The following CACNA1A variants were observed in gnomAD, a reference collection of about 807,000 sequenced individuals.
CACNA1A encodes voltage-dependent P/Q-type calcium channel subunit alpha-1A.
In CACNA1A, 57 loss-of-function variants were observed where a neutral mutation model predicts 262.4. The ratio of observed to expected loss-of-function variants is 0.22; its 90% CI spans 0.18 to 0.27. The LOEUF (loss-of-function observed/expected upper bound fraction) is 0.27. Among genes scored for constraint, CACNA1A ranks in the 10% least tolerant of loss-of-function variants. CACNA1A has a pLI of 1.00. For missense variants in CACNA1A, 2,526 were observed against 3,562.8 expected, an observed-to-expected ratio of 0.71 and a Z score of 7.41; for synonymous variants, 1,431 against 1,419.3, an observed-to-expected ratio of 1.01 and a Z score of -0.18.
At chr19:13,449,461 C>A (rs1486869176) in intron 3 of CACNA1A, among the ~76,000 whole-genome samples, 1 of 152,082 alleles carries the variant, frequency 6.6e-6, no homozygotes, top group Non-Finnish European at 1.5e-5. Flanking sequence ...CCATGCCCAG[C>A]TGAATATTTT....
In CACNA1A at chr19:13,379,918, G is replaced by A. The variant is rs1401406678; in HGVS notation, c.540-8139C>T. On this transcript the variant is annotated intron_variant, in intron 3 of 46. Transcript: ENST00000360228. ...CAGCCTGGTGACAGAGCAAGATGCC[G>A]TCTCAAAAAAAAAAAAAAAAAAAAA... 8.1e-4 allele frequency among the ~76,000 whole-genome samples: 8 copies of A among 9,918 alleles called. 1 individual carries two copies. The South Asian group carries it at 0.041, about 51-fold the overall frequency. 6.5% of individuals were successfully genotyped at this position (9,918 alleles called of 152,430 possible).
At chr19:13,346,989 A>G (rs951121619) in intron 6 of CACNA1A, among the ~76,000 whole-genome samples, 2 of 150,194 alleles carry the variant, frequency 1.3e-5, no homozygotes, top group Non-Finnish European at 1.5e-5. Flanking sequence ...TGATAGATGT[A>G]TATATTTTTT....
At chr19:13,235,388 C>G in intron 32 of CACNA1A, 114 bp from the exon 33 acceptor site, 1 of 1,040,502 alleles carries the variant, frequency 9.6e-7, no homozygotes. Flanking sequence ...TGCCACGTGC[C>G]AGAGTCCTTC....
At chr19:13,300,187 C>T (rs1400438616) in intron 18 of CACNA1A, among the ~76,000 whole-genome samples, 1 of 152,206 alleles carries the variant, frequency 6.6e-6, no homozygotes, top group Non-Finnish European at 1.5e-5. Context: ...ACTCTCTTCA[C>T]TCCCAGCATT....
At chr19:13,286,218 T>G (rs182511256) in intron 20 of CACNA1A, among the ~76,000 whole-genome samples, 1 of 152,244 alleles carries the variant, frequency 6.6e-6, no homozygotes, top group Admixed American at 6.5e-5. Context: ...CAGAGGACCC[T>G]ATTGCTCCTC....
chr19:13,408,032 G>A (rs1035879831), intron 3 of CACNA1A, among the ~76,000 whole-genome samples: 6 of 151,900 alleles, frequency 3.9e-5, no homozygotes, highest in African/African-American at 1.5e-4. Flanking sequence ...TTCATTTTCC[G>A]CCATGATTGC....
rs1271664786 is a variant in CACNA1A at position 13,330,321 on chromosome 19, G to T, written c.1268C>A (p.Thr423Asn). Residue 423 changes from threonine to asparagine, a missense_variant, in exon 10 of 47, where the codon ACC becomes AAC. By Grantham distance (65) the Thr-to-Asn change is moderately conservative. Coordinates refer to ENST00000360228, the MANE Select transcript of CACNA1A (RefSeq NM_001127222.2). The part of the protein sequence containing the change: ...QRHPFDALRR[T>N]TIKKSKTDLL... ...ATCTGTCTTGCTTTTCTTTATGGTG[G>T]TTCTCCGCAGAGCTCCAACAATGGA... 6.4e-7 allele frequency: 1 copy of T among 1,562,308 alleles called. No individual in the cohort carries two copies. Among genetic ancestry groups the T allele is most frequent in the Non-Finnish European group, 8.7e-7 (1 of 1,152,242 alleles).
chr19:13,259,344 G>GTTTTTTTT (rs2056665416), intron 27 of CACNA1A: 7 of 9,026 alleles, frequency 7.8e-4, no homozygotes, highest in Non-Finnish European at 1.1e-3. Context: ...TTTTTTTTTG[G>GTTTTTTTT]GATTTTTAGT....
intron 20 of CACNA1A, among the ~76,000 whole-genome samples, chr19:13,285,981 C>CAGT (rs2057388895): frequency 8.5e-6 from 1 of 117,522 alleles, no homozygotes; most frequent in African/African-American, 3.4e-5. Context: ...TTTTTTGAGA[C>CAGT]AGTCTCGCTT....
intron 1 of CACNA1A, among the ~76,000 whole-genome samples, chr19:13,479,822 A>C (rs570644470): frequency 6.6e-6 from 1 of 152,374 alleles, no homozygotes; most frequent in East Asian, 1.9e-4. Flanking sequence ...AGAAGAACAT[A>C]AACAAAGCAA....
chr19:13,271,816 T>C (rs571975682), intron 24 of CACNA1A: 1 of 147,674 alleles, frequency 6.8e-6, no homozygotes, highest in South Asian at 2.1e-4. Flanking sequence ...CAGGCTGGAG[T>C]GCAGTGGTGC....
rs2057937647 is a variant in CACNA1A at position 13,307,804 on chromosome 19, G to T, written c.1964C>A (p.Ala655Glu). The T allele has an allele frequency of 6.2e-7, 1 of 1,613,972 alleles. No homozygotes were observed. Among genetic ancestry groups the T allele is most frequent in the Non-Finnish European group, 8.5e-7 (1 of 1,179,838 alleles). The change falls in exon 15 of 47, where the codon GCA (alanine) becomes GAA (glutamate). Residue 655 changes from alanine (A) to glutamate (E), a missense_variant. Coordinates refer to ENST00000360228, the MANE Select transcript of CACNA1A (RefSeq NM_001127222.2). ...TACCTGAAACACCGTCATTATTGCT[G>T]CTGGAAAAGTATCGAAGTTGGTGGG... The part of the protein sequence containing the change: ...TPPTNFDTFP[A>E]AIMTVFQILT...
At chr19:13,390,162 A>C (rs1328671305) in intron 3 of CACNA1A, among the ~76,000 whole-genome samples, 2 of 151,406 alleles carry the variant, frequency 1.3e-5, no homozygotes, top group Non-Finnish European at 2.9e-5. Flanking sequence ...TGTCACCCAG[A>C]CTGGAGTGCA....
Position 13,236,326 on chromosome 19 carries a change from ACCCTG to A in CACNA1A, c.4951-601_4951-597del, listed in dbSNP as rs888973255. Reference sequence around the variant, plus strand: ...GCATCTGTCACGGGACTCACCGGGCACCCTGCCCTGCCCTGCCCTGCCGAGCTGCC... The same window carrying A: ...GCATCTGTCACGGGACTCACCGGGCACCCTGCCCTGCCCTGCCGAGCTGCC... On this transcript the variant is annotated intron_variant, in intron 31 of 46. Coordinates refer to ENST00000360228, the MANE Select transcript of CACNA1A (RefSeq NM_001127222.2). The surrounding 1 kb of genome is among the most constrained non-coding windows in gnomAD (Gnocchi z 4.6). 11 of 154,242 alleles carry A rather than the reference ACCCTG, an allele frequency of 7.1e-5. No homozygotes were observed. The South Asian group carries it at 8.0e-4, about 11-fold the overall frequency. The allele number at this position is 154,242 out of a possible 1,614,324, so 9.6% of individuals were successfully genotyped here.
chr19:13,227,548 AAAAAC>A, intron 36 of CACNA1A, 21 bp from the exon 37 acceptor site: 2 of 1,374,748 alleles, frequency 1.5e-6, no homozygotes, highest in African/African-American at 1.4e-5. Flanking sequence ...CGAAAATGAA[AAAAAC>A]AAAAACAAAA....
chr19:13,298,257 A>G (rs1426534046), intron 19 of CACNA1A, among the ~76,000 whole-genome samples: 3 of 150,686 alleles, frequency 2.0e-5, no homozygotes, highest in Non-Finnish European at 4.4e-5. Flanking sequence ...CAGCCTCCTG[A>G]GTAGCTGGGG....
intron 1 of CACNA1A, among the ~76,000 whole-genome samples, chr19:13,483,574 G>C (rs62111566): frequency 0.08 from 12,179 of 152,152 alleles, 845 homozygotes; most frequent in East Asian, 0.39. Flanking sequence ...TGAAAATTCC[G>C]GGAAGATAGC....
chr19:13,365,680 T>TC (rs2059198295), intron 4 of CACNA1A: 2 of 495,064 alleles, frequency 4.0e-6, no homozygotes, highest in Non-Finnish European at 7.2e-6. Context: ...GTTTTTTTTT[T>TC]CCTTTGAGAC....
Position 13,235,685 on chromosome 19 carries a change from G to T in CACNA1A, c.4996C>A (p.Arg1666=). 1 of 1,613,898 alleles carries T rather than the reference G, an allele frequency of 6.2e-7. No individual in the cohort carries two copies. Among genetic ancestry groups the T allele is most frequent in the Non-Finnish European group, 8.5e-7 (1 of 1,179,852 alleles). The part of the protein sequence containing the change: ...LSFLRLFRAA[R]LIKLLRQGYT... Reference sequence around the variant, plus strand: ...CCCTGACGGAGAAGTTTGATGAGCCGGGCAGCTCGGAAGAGGCGGAGAAAG... The same window carrying T: ...CCCTGACGGAGAAGTTTGATGAGCCTGGCAGCTCGGAAGAGGCGGAGAAAG... The change falls in exon 32 of 47, where the codon CGG becomes AGG. Residue 1666 remains arginine (R), a synonymous_variant. Coordinates refer to ENST00000360228, the MANE Select transcript of CACNA1A (RefSeq NM_001127222.2).
Sources: gnomAD v4.1 joint callset for allele counts (sites outside exome capture counted in the v4.1 genomes callset) on GRCh38, gnomAD v4.1.1 for gene constraint, Gnocchi (gnomAD v3.1) non-coding constraint, MANE v1.5 for transcripts, NCBI Gene and HGNC (gene_info 2026-07-23, HGNC 2026-07-21) for gene names.